Variants in NSF observed in about 807,000 individuals in gnomAD.
NSF encodes N-ethylmaleimide sensitive factor, vesicle fusing ATPase, also known as vesicle-fusing ATPase.
NSF carries 14 observed loss-of-function variants against 50.3 expected under a neutral mutation model. The ratio of observed to expected loss-of-function variants is 0.28; its 90% CI spans 0.18 to 0.44. The LOEUF is 0.44. Among genes scored for constraint, NSF ranks in the 20% least tolerant of loss-of-function variants. NSF has a pLI of 1.00. For synonymous variants in NSF, 109 were observed against 175.7 expected (o/e 0.62, Z 3.00); for missense variants, 218 against 504.3 (o/e 0.43, Z 5.44).
At chr17:46,676,233 CTTT>C (rs140135606) in intron 9 of NSF, among the ~76,000 whole-genome samples, 12,885 of 129,754 alleles carry the variant, frequency 0.099, no homozygotes, top group Non-Finnish European at 0.15. Context: ...AATTCTTCTT[CTTT>C]TTTTTTTTTT....
intron 1 of NSF, among the ~76,000 whole-genome samples, chr17:46,605,570 C>T (rs1217789225): frequency 2.9e-5 from 3 of 102,102 alleles, no homozygotes; most frequent in African/African-American, 1.1e-4. Flanking sequence ...TTTCCATATG[C>T]TTAGAGAAAA....
chr17:46,750,112 G>A (rs2059167662), intron 18 of NSF, among the ~76,000 whole-genome samples: 1 of 152,198 alleles, frequency 6.6e-6, no homozygotes, highest in Admixed American at 6.5e-5. Flanking sequence ...CAGCACTTTG[G>A]GAGGACGGGG....
In NSF at chr17:46,751,506, T is replaced by C; in HGVS notation, c.2047T>C (p.Leu683=). Residue 683 remains leucine, a synonymous_variant, in exon 19 of 21, where the codon TTG becomes CTG. Transcript: ENST00000398238. The part of the protein sequence containing the change: ...GEQLLEALEL[L]GNFKDKERTT... ...TTATTGTTTATTGTTTTTGTAGCTT[T>C]TGGGCAACTTCAAGGATAAGGAACG... 1 of 1,613,222 alleles carries C rather than the reference T, an allele frequency of 6.2e-7. No individual in the cohort carries two copies. Among genetic ancestry groups the C allele is most frequent in the Non-Finnish European group, 8.5e-7 (1 of 1,179,226 alleles).
intron 12 of NSF, among the ~76,000 whole-genome samples, chr17:46,703,777 C>A (rs200403): frequency 0.63 from 90,615 of 143,974 alleles, 30,418 homozygotes; most frequent in South Asian, 0.81. Context: ...TAAATACATT[C>A]TTAATGTTGT....
chr17:46,707,195 C>T (rs1431356942), intron 13 of NSF, among the ~76,000 whole-genome samples: 2 of 152,160 alleles, frequency 1.3e-5, no homozygotes, highest in Non-Finnish European at 2.9e-5. Flanking sequence ...AATGAGATCT[C>T]ATTTCAGTCT....
At chr17:46,631,034 T>A (rs1598650880) in intron 4 of NSF, among the ~76,000 whole-genome samples, 1 of 122,484 alleles carries the variant, frequency 8.2e-6, no homozygotes, top group African/African-American at 3.7e-5. Flanking sequence ...CTCCCTGTCT[T>A]CCTCTCTGGG....
chr17:46,723,502 A>G (rs2058854581), intron 15 of NSF, among the ~76,000 whole-genome samples: 1 of 152,246 alleles, frequency 6.6e-6, no homozygotes, highest in Non-Finnish European at 1.5e-5. Flanking sequence ...ATCATTGTGT[A>G]TCAAGAGACT....
At chr17:46,750,770 A>G (rs1271219448) in intron 18 of NSF, among the ~76,000 whole-genome samples, 4 of 152,090 alleles carry the variant, frequency 2.6e-5, no homozygotes, top group African/African-American at 4.8e-5. Context: ...AGAAAAATTA[A>G]CCATTCATAG....
chr17:46,736,390 C>T (rs1366579239), intron 17 of NSF, among the ~76,000 whole-genome samples: 1 of 152,198 alleles, frequency 6.6e-6, no homozygotes, highest in Non-Finnish European at 1.5e-5. Context: ...TGGTGCTTCA[C>T]AGTTTCTTTC....
intron 8 of NSF, among the ~76,000 whole-genome samples, chr17:46,655,904 T>A: frequency 2.1e-5 from 2 of 96,978 alleles, no homozygotes; most frequent in African/African-American, 4.9e-5. Context: ...TATCTAGAAA[T>A]GAATCTTTAA....
In NSF at chr17:46,609,614, T is replaced by G. The variant is rs538884632; in HGVS notation, c.13-14630T>G. ...ATATGTAAATACTATTATGTTTATA[T>G]TTATTAGTAAGCTGAATTTATTAAA... On this transcript the variant is annotated intron_variant, in intron 1 of 20. Coordinates refer to ENST00000398238, the MANE Select transcript of NSF (RefSeq NM_006178.4). 2.7e-5 allele frequency among the ~76,000 whole-genome samples: 4 copies of G among 148,038 alleles called. No individual in the cohort carries two copies. In the East Asian group the frequency reaches 6.0e-4, roughly 22 times the overall value.
chr17:46,739,208 T>G (rs925684848), intron 17 of NSF, among the ~76,000 whole-genome samples: 9 of 151,746 alleles, frequency 5.9e-5, no homozygotes, highest in African/African-American at 2.2e-4. Flanking sequence ...CCGCCTCTAC[T>G]AAAAATACAA....
chr17:46,657,451 G>A (rs1304721749), intron 8 of NSF, among the ~76,000 whole-genome samples: 2 of 151,760 alleles, frequency 1.3e-5, no homozygotes, highest in African/African-American at 4.8e-5. Flanking sequence ...TGACTTTTGG[G>A]TCTTAGTTTC....
intron 15 of NSF, among the ~76,000 whole-genome samples, chr17:46,723,505 A>C (rs2058854644): frequency 6.6e-6 from 1 of 152,238 alleles, no homozygotes; most frequent in African/African-American, 2.4e-5. Context: ...ATTGTGTATC[A>C]AGAGACTGAA....
At chr17:46,742,290 T>A (rs2059081547) in intron 17 of NSF, among the ~76,000 whole-genome samples, 1 of 152,170 alleles carries the variant, frequency 6.6e-6, no homozygotes, top group Admixed American at 6.5e-5. Flanking sequence ...ACTTTCCTTT[T>A]GGACACTTAA....
intron 15 of NSF, among the ~76,000 whole-genome samples, chr17:46,714,289 A>G (rs2058747004): frequency 6.6e-6 from 1 of 152,236 alleles, no homozygotes; most frequent in Admixed American, 6.5e-5. Context: ...GTTTGAATAA[A>G]GTGGACAAAT....
chr17:46,733,655 C>A (rs973042956), intron 17 of NSF, among the ~76,000 whole-genome samples: 3 of 152,170 alleles, frequency 2.0e-5, no homozygotes, highest in Admixed American at 6.5e-5. Context: ...TGAGGCCACT[C>A]ACAACTGGCC....
intron 17 of NSF, 86 bp downstream of exon 17, chr17:46,729,020 GT>G: frequency 1.2e-6 from 1 of 829,924 alleles, no homozygotes; most frequent in Non-Finnish European, 1.9e-6. Flanking sequence ...AAATAAGCAG[GT>G]TATCATAAAC....
intron 15 of NSF, 21 bp downstream of exon 15, chr17:46,714,007 T>C: frequency 6.3e-7 from 1 of 1,595,894 alleles, no homozygotes; most frequent in South Asian, 1.1e-5. Context: ...TTTACTTTCA[T>C]TTTAATTTCC....
Sources: allele counts gnomAD v4.1 joint callset (sites outside exome capture counted in the v4.1 genomes callset), GRCh38; gene constraint gnomAD v4.1.1; transcripts MANE v1.5; gene names NCBI Gene and HGNC (gene_info 2026-07-23, HGNC 2026-07-21).